Variants in THOC2 observed in about 807,000 individuals in gnomAD.
THOC2 encodes the protein THO complex subunit 2, also known as THO complex 2.
A neutral mutation model predicts 128.4 loss-of-function variants in THOC2; 10 were observed. The observed-to-expected ratio is 0.08, with a 90% CI of 0.05 to 0.13. THOC2 has a LOEUF of 0.13. THOC2 is among the 10% of genes least tolerant of loss of function. The pLI is 1.00. For synonymous variants in THOC2, 393 were observed against 396.9 expected (o/e 0.99, Z 0.12); for missense variants, 535 against 1,155.7 (o/e 0.46, Z 7.79).
intron 9 of THOC2, among the ~76,000 whole-genome samples, chrX:123,669,323 CTT>C (rs771033880): frequency 1.0e-4 from 10 of 98,758 alleles, no homozygotes; most frequent in Admixed American, 1.1e-4. Flanking sequence ...TTATTTTTTA[CTT>C]TTTTTTTTTT....
chrX:123,680,204 G>A (rs2049704845), intron 8 of THOC2, among the ~76,000 whole-genome samples: 1 of 111,556 alleles, frequency 9.0e-6, no homozygotes. Flanking sequence ...TGTAAAACCC[G>A]ATCATATATT....
At chrX:123,611,012 C>G (rs768738705) in intron 37 of THOC2, 49 bp from the exon 38 acceptor site, 72 of 1,141,784 alleles carry the variant, frequency 6.3e-5, no homozygotes, top group Non-Finnish European at 8.5e-5. Context: ...GCGGAAAGAA[C>G]AGCATCTCCC....
chrX:123,635,700 T>C (rs2047646056), intron 19 of THOC2, among the ~76,000 whole-genome samples: 2 of 111,838 alleles, frequency 1.8e-5, no homozygotes, highest in Non-Finnish European at 3.8e-5. Flanking sequence ...GATAAACAAG[T>C]TCCTACCAGA....
chrX:123,626,101 A>G (rs1333845117), intron 24 of THOC2, 32 bp from the exon 25 acceptor site: 3 of 1,092,621 alleles, frequency 2.7e-6, no homozygotes, highest in Non-Finnish European at 2.5e-6. Context: ...ATTAAGTGGT[A>G]AACTTCTTCC....
intron 22 of THOC2, among the ~76,000 whole-genome samples, chrX:123,629,206 A>AACACACAT: frequency 1.2e-5 from 1 of 81,959 alleles, no homozygotes; most frequent in South Asian, 7.3e-4. Context: ...ATTATACATG[A>AACACACAT]ACACACACAC....
At chrX:123,679,172 C>A (rs976077883) in intron 8 of THOC2, among the ~76,000 whole-genome samples, 2 of 111,295 alleles carry the variant, frequency 1.8e-5, no homozygotes, top group African/African-American at 3.3e-5. Flanking sequence ...TTGGTCTGCA[C>A]CCCTTTGTAG....
At chrX:123,628,139 A>T (rs2047333600) in intron 22 of THOC2, among the ~76,000 whole-genome samples, 171 bp from the exon 23 acceptor site, 1 of 111,910 alleles carries the variant, frequency 8.9e-6, no homozygotes, top group Non-Finnish European at 1.9e-5. Flanking sequence ...TTTTAAGATA[A>T]ATCATCTCTG....
chrX:123,605,911 T>TG (rs761659355), intron 38 of THOC2, among the ~76,000 whole-genome samples: 25 of 110,060 alleles, frequency 2.3e-4, no homozygotes, highest in Non-Finnish European at 4.4e-4. Context: ...ACGAGCTGAG[T>TG]GGGGACTGAC....
intron 12 of THOC2, among the ~76,000 whole-genome samples, chrX:123,661,906 C>A (rs1291849456): frequency 1.8e-5 from 2 of 111,157 alleles, no homozygotes; most frequent in East Asian, 5.7e-4. Flanking sequence ...GCGGGAAGAT[C>A]CCTTCAGCCT....
intron 12 of THOC2, among the ~76,000 whole-genome samples, chrX:123,648,044 C>G (rs1043570842): frequency 9.1e-6 from 1 of 110,445 alleles, no homozygotes; most frequent in African/African-American, 3.3e-5. Context: ...CAGCTCCGGT[C>G]TGCAGCTCCC....
intron 1 of THOC2, among the ~76,000 whole-genome samples, chrX:123,730,075 C>T (rs897839404): frequency 3.6e-5 from 4 of 112,024 alleles, no homozygotes; most frequent in Admixed American, 9.4e-5. Context: ...TTTGGATCTA[C>T]TATAATTCAA....
chrX:123,690,629 A>G (rs1489524661), intron 7 of THOC2, among the ~76,000 whole-genome samples: 1 of 111,732 alleles, frequency 8.9e-6, no homozygotes, highest in Non-Finnish European at 1.9e-5. Context: ...CAGGAAAATA[A>G]AAGACCAAGA....
intron 38 of THOC2, among the ~76,000 whole-genome samples, chrX:123,605,083 A>C (rs777210899): frequency 1.8e-5 from 2 of 112,194 alleles, no homozygotes; most frequent in South Asian, 7.4e-4. Context: ...CTTTATAGCA[A>C]ACAGAGTTCC....
intron 8 of THOC2, among the ~76,000 whole-genome samples, chrX:123,675,591 C>T (rs1176264840): frequency 1.9e-5 from 2 of 107,888 alleles, no homozygotes; most frequent in Non-Finnish European, 3.8e-5. Context: ...TGCAGTGAGC[C>T]GAGATTGTGC....
chrX:123,686,183 T>G (rs929547732), intron 8 of THOC2, among the ~76,000 whole-genome samples: 1 of 111,636 alleles, frequency 9.0e-6, no homozygotes, highest in Non-Finnish European at 1.9e-5. Flanking sequence ...CTTCTATCTC[T>G]ATATATTCAC....
intron 1 of THOC2, among the ~76,000 whole-genome samples, chrX:123,726,682 TAC>T (rs1350521802): frequency 1.4e-4 from 16 of 112,088 alleles, no homozygotes; most frequent in African/African-American, 5.2e-4. Flanking sequence ...AGACTAATGG[TAC>T]AGTCATCATT....
In THOC2 at chrX:123,600,671, G is replaced by C. The variant is rs1035770840; in HGVS notation, c.*686C>G. On this transcript the variant is annotated 3_prime_UTR_variant, in exon 39 of 39. Transcript: ENST00000245838. ...ATGTCACTGTGAAACTTTTCCAGAT[G>C]AAAGTTCAGCAATACAAAGCTCCTA... 12 of 112,415 alleles carry C rather than the reference G, an allele frequency of 1.1e-4. No individual in the cohort carries two copies. The highest frequency in any genetic ancestry group is 3.6e-4 in the African/African-American group (11 of 30,926). The allele number at this position is 112,415 out of a possible 1,213,427, so 9.3% of individuals were successfully genotyped here.
At chrX:123,670,403 G>C (rs2049225910) in intron 9 of THOC2, among the ~76,000 whole-genome samples, 2 of 112,563 alleles carry the variant, frequency 1.8e-5, no homozygotes, top group East Asian at 2.8e-4. Context: ...CAAATCACCT[G>C]AGGTCAGGAG....
chrX:123,698,983 C>A (rs2050572200), intron 4 of THOC2, among the ~76,000 whole-genome samples: 1 of 110,881 alleles, frequency 9.0e-6, no homozygotes, highest in East Asian at 2.8e-4. Context: ...CTGAGAGTTT[C>A]AGTAAATTAT....
Sources: gnomAD v4.1 joint callset for allele counts (sites outside exome capture counted in the v4.1 genomes callset) on GRCh38, gnomAD v4.1.1 for gene constraint, MANE v1.5 for transcripts, NCBI Gene and HGNC (gene_info 2026-07-23, HGNC 2026-07-21) for gene names.